The following CCDC30 variants were observed in gnomAD, a reference collection of about 807,000 sequenced individuals.
The protein encoded by CCDC30 is coiled-coil domain containing 30, also known as coiled-coil domain-containing protein 30.
In CCDC30, 70 loss-of-function variants were observed where a neutral mutation model predicts 100.2. The ratio of observed to expected loss-of-function variants is 0.70; its 90% CI spans 0.58 to 0.85. CCDC30 has a LOEUF of 0.85. CCDC30 is among the 40% of genes least tolerant of loss of function. The pLI is 0.00. For missense variants in CCDC30, 652 were observed against 771.2 expected, an observed-to-expected ratio of 0.85 and a Z score of 1.83; for synonymous variants, 233 against 269.5, an observed-to-expected ratio of 0.86 and a Z score of 1.33.
chr1:42,612,189 A>G (rs1410378048), intron 11 of CCDC30, among the ~76,000 whole-genome samples: 1 of 152,206 alleles, frequency 6.6e-6, no homozygotes, highest in Admixed American at 6.5e-5. Flanking sequence ...TTTCCATAAA[A>G]CTTAATATTT....
intron 5 of CCDC30, among the ~76,000 whole-genome samples, chr1:42,498,538 A>C (rs1326906428): frequency 1.3e-5 from 2 of 152,214 alleles, no homozygotes; most frequent in Non-Finnish European, 2.9e-5. Flanking sequence ...AAGTTGTCTA[A>C]GTCTTCATAA....
At chr1:42,622,134 C>T (rs1646850649) in intron 11 of CCDC30, among the ~76,000 whole-genome samples, 1 of 152,172 alleles carries the variant, frequency 6.6e-6, no homozygotes, top group Admixed American at 6.5e-5. Context: ...TCTCTATCTC[C>T]ATGAGTTGAA....
chr1:42,558,426 A>G (rs1270835502), intron 6 of CCDC30: 1 of 152,642 alleles, frequency 6.6e-6, no homozygotes, highest in Non-Finnish European at 1.5e-5. Context: ...GGAAGCATCA[A>G]CAGTAATGGG....
intron 11 of CCDC30, among the ~76,000 whole-genome samples, chr1:42,616,858 G>C (rs1426399761): frequency 1.3e-5 from 2 of 152,180 alleles, no homozygotes; most frequent in Non-Finnish European, 2.9e-5. Context: ...ACATTACGGA[G>C]AGTATCCTAA....
chr1:42,654,050 T>C, exon 17 of CCDC30: 1 of 1,568,842 alleles, frequency 6.4e-7, no homozygotes. Flanking sequence ...CCTAAAGCTA[T>C]ACTGAACAAA....
chr1:42,498,928 T>G lies in CCDC30; in HGVS notation c.456+12T>G, dbSNP rs1644267332. On this transcript the variant is annotated intron_variant, in intron 6 of 16. Transcript: ENST00000668663. ...AACAGAGAGAACAGGTATTGTATTT[T>G]AAAGTTCTGTTCTTTCTGATCTCTA... 8.3e-7 allele frequency: 1 copy of G among 1,210,432 alleles called. No individual in the cohort carries two copies. Among genetic ancestry groups the G allele is most frequent in the African/African-American group, 1.6e-5 (1 of 63,984 alleles). 75.0% of individuals were successfully genotyped at this position (1,210,432 alleles called of 1,614,324 possible).
chr1:42,563,279 A>C (rs1645533167), intron 6 of CCDC30, among the ~76,000 whole-genome samples: 2 of 152,230 alleles, frequency 1.3e-5, no homozygotes, highest in Admixed American at 6.5e-5. Flanking sequence ...CAGCCATAAA[A>C]AGGAATGATA....
At chr1:42,456,897 C>A in the CCDC30 span, 12 of 1,612,074 alleles carry the variant, frequency 7.4e-6, no homozygotes, top group African/African-American at 1.3e-5. Context: ...TCGGGCCCAG[C>A]CCTTTCGGGC....
intron 11 of CCDC30, among the ~76,000 whole-genome samples, chr1:42,631,283 C>T (rs1647033620): frequency 6.6e-6 from 1 of 152,188 alleles, no homozygotes; most frequent in African/African-American, 2.4e-5. Context: ...GGCAGAGACT[C>T]TTGTTCTCTT....
chr1:42,497,311 A>C (rs1030780868), intron 5 of CCDC30, 98 bp downstream of exon 5: 8 of 605,034 alleles, frequency 1.3e-5, no homozygotes, highest in Non-Finnish European at 1.9e-5. Context: ...GTTGGTCTTT[A>C]GCAGGGACCA....
intron 2 of CCDC30, among the ~76,000 whole-genome samples, chr1:42,481,828 A>ATTAT (rs1643963565): frequency 6.6e-6 from 1 of 152,220 alleles, no homozygotes. Flanking sequence ...ACATCACAGT[A>ATTAT]TTATTTTCAA....
chr1:42,563,475 G>A (rs369708809), intron 6 of CCDC30, among the ~76,000 whole-genome samples: 2 of 152,058 alleles, frequency 1.3e-5, no homozygotes, highest in African/African-American at 4.8e-5. Flanking sequence ...GGTGAGGGGA[G>A]GGAACTTAGA....
chr1:42,456,420 C>T, the CCDC30 span: 7 of 901,896 alleles, frequency 7.8e-6, no homozygotes, highest in South Asian at 9.3e-5. Flanking sequence ...TACGCATTTC[C>T]AGACTTGGCG....
At chr1:42,524,945 T>A (rs1483944510) in intron 6 of CCDC30, among the ~76,000 whole-genome samples, 6 of 152,256 alleles carry the variant, frequency 3.9e-5, no homozygotes, top group Non-Finnish European at 8.8e-5. Flanking sequence ...TCACTGGATA[T>A]AGAATTTTAA....
At chr1:42,654,736 A>G (rs1354113453), downstream of CCDC30, 2 of 141,512 alleles carry the variant, frequency 1.4e-5, no homozygotes, top group African/African-American at 5.2e-5. Flanking sequence ...TTTGAGACGG[A>G]GTCTCTTACT....
At chr1:42,485,138 A>G (rs558114085) in intron 3 of CCDC30, among the ~76,000 whole-genome samples, 1 of 152,276 alleles carries the variant, frequency 6.6e-6, no homozygotes, top group Non-Finnish European at 1.5e-5. Context: ...ATTTGCTTCA[A>G]AATAATACAG....
At chr1:42,626,576 GA>G (rs1646937778) in intron 11 of CCDC30, among the ~76,000 whole-genome samples, 1 of 152,168 alleles carries the variant, frequency 6.6e-6, no homozygotes, top group South Asian at 2.1e-4. Context: ...TATCTGATAT[GA>G]GTTCACTGTG....
chr1:42,613,237 C>T (rs1036153525), intron 11 of CCDC30, among the ~76,000 whole-genome samples: 12 of 122,436 alleles, frequency 9.8e-5, no homozygotes, highest in East Asian at 4.6e-4. Flanking sequence ...GGATTATTCA[C>T]GTGCTTTATT....
chr1:42,474,946 A>C (rs977367888), intron 1 of CCDC30, among the ~76,000 whole-genome samples: 8 of 152,242 alleles, frequency 5.3e-5, no homozygotes, highest in African/African-American at 1.9e-4. Flanking sequence ...ATCTCCTGTT[A>C]ACATTTAATC....
Sources: allele counts gnomAD v4.1 joint callset (sites outside exome capture counted in the v4.1 genomes callset), GRCh38; gene constraint gnomAD v4.1.1; transcripts MANE v1.5; gene names NCBI Gene and HGNC (gene_info 2026-07-23, HGNC 2026-07-21).